ADAMTSL1: variants seen among roughly 807,000 people sequenced by gnomAD.
ADAMTSL1 encodes the protein ADAMTS like 1, also known as ADAMTS-like protein 1.
Under a neutral mutation model 201.8 loss-of-function variants are expected in ADAMTSL1, and 126 were observed. That is an observed-to-expected ratio of 0.62 (90% CI 0.54 to 0.72). The LOEUF is 0.72. Among genes scored for constraint, ADAMTSL1 ranks in the 30% least tolerant of loss-of-function variants. The pLI is 0.00. For missense variants in ADAMTSL1, 2,679 were observed against 2,277.8 expected, an observed-to-expected ratio of 1.18 and a Z score of -3.59; for synonymous variants, 1,121 against 903.4, an observed-to-expected ratio of 1.24 and a Z score of -4.32.
intron 5 of ADAMTSL1, among the ~76,000 whole-genome samples, chr9:18,626,740 C>G (rs370286806): frequency 3.3e-5 from 5 of 152,178 alleles, no homozygotes; most frequent in Admixed American, 1.3e-4. Context: ...ATGGCTTGGA[C>G]TGTACCAGTA....
At chr9:18,568,367 C>T (rs571083283) in intron 3 of ADAMTSL1, among the ~76,000 whole-genome samples, 3 of 152,216 alleles carry the variant, frequency 2.0e-5, no homozygotes, top group South Asian at 2.1e-4. Context: ...CTAAAAGATT[C>T]GAAAGCTTTA....
chr9:18,683,597 G>T (rs542723579), intron 12 of ADAMTSL1, among the ~76,000 whole-genome samples: 1 of 152,168 alleles, frequency 6.6e-6, no homozygotes, highest in East Asian at 1.9e-4. Context: ...GTGTTGCTGT[G>T]TTTAAAATGT....
chr9:18,870,135 G>A (rs895791157), intron 23 of ADAMTSL1, among the ~76,000 whole-genome samples: 3 of 152,110 alleles, frequency 2.0e-5, no homozygotes, highest in Non-Finnish European at 4.4e-5. Flanking sequence ...TATTATGAGT[G>A]TATTTTCATG....
chr9:18,149,841 G>C (rs1179612547), intron 1 of ADAMTSL1, among the ~76,000 whole-genome samples: 1 of 152,054 alleles, frequency 6.6e-6, no homozygotes, highest in African/African-American at 2.4e-5. Context: ...GAGCAGTCAA[G>C]TAGAAAAGAT....
At chr9:18,437,174 C>G (rs1213844330) in intron 2 of ADAMTSL1, among the ~76,000 whole-genome samples, 1 of 152,056 alleles carries the variant, frequency 6.6e-6, no homozygotes. Flanking sequence ...CACTCCAACC[C>G]TCTTGCAAAT....
At chr9:18,264,956 G>A (rs1832064121) in intron 2 of ADAMTSL1, among the ~76,000 whole-genome samples, 1 of 152,106 alleles carries the variant, frequency 6.6e-6, no homozygotes, top group South Asian at 2.1e-4. Flanking sequence ...TTTAATAATA[G>A]TAAATTGTCT....
At chr9:18,197,344 T>C (rs1315896526) in intron 2 of ADAMTSL1, among the ~76,000 whole-genome samples, 1 of 151,538 alleles carries the variant, frequency 6.6e-6, no homozygotes, top group Non-Finnish European at 1.5e-5. Flanking sequence ...TTGTATCCTC[T>C]TTTATTTCCT....
At chr9:18,165,376 G>T (rs1827586893) in intron 2 of ADAMTSL1, among the ~76,000 whole-genome samples, 1 of 151,912 alleles carries the variant, frequency 6.6e-6, no homozygotes, top group South Asian at 2.1e-4. Flanking sequence ...ACTAATTAGG[G>T]ACATAATGGA....
chr9:18,474,415 A>T (rs533986798), intron 1 of ADAMTSL1, 120 bp downstream of exon 1: 1 of 996,314 alleles, frequency 1.0e-6, no homozygotes, highest in African/African-American at 1.6e-5. Context: ...ACTCCAGGTA[A>T]AATAATTTAC....
chr9:17,993,120 G>C lies in ADAMTSL1; in HGVS notation c.87+86198G>C, dbSNP rs139111457. Among the ~76,000 whole-genome samples the C allele has an allele frequency of 4.5e-3, 692 of 152,232 alleles. 4 individuals carry two copies. Among genetic ancestry groups the C allele is most frequent in the Middle Eastern group, 0.017 (5 of 294 alleles). On this transcript the variant is annotated intron_variant, in intron 1 of 29. Transcript: ENST00000680146. Reference sequence around the variant, plus strand: ...TGCTAGTATGGGATTTACCTCTCTAGAGGTTTACAAAGCAGCTCCTTATGG... The same window carrying C: ...TGCTAGTATGGGATTTACCTCTCTACAGGTTTACAAAGCAGCTCCTTATGG...
At chr9:18,071,891 G>T (rs1471717115) in intron 1 of ADAMTSL1, among the ~76,000 whole-genome samples, 1 of 152,206 alleles carries the variant, frequency 6.6e-6, no homozygotes, top group East Asian at 1.9e-4. Flanking sequence ...CGCACTTCCT[G>T]TGTGTCCCTT....
intron 1 of ADAMTSL1, among the ~76,000 whole-genome samples, chr9:18,501,869 ATATGTG>A (rs984105655): frequency 3.9e-5 from 6 of 152,220 alleles, no homozygotes; most frequent in African/African-American, 1.2e-4. Context: ...TGGGCACTTA[ATATGTG>A]TAGTTGTGCT....
intron 1 of ADAMTSL1, among the ~76,000 whole-genome samples, chr9:18,486,444 C>A (rs1429777764): frequency 6.6e-6 from 1 of 152,170 alleles, no homozygotes; most frequent in Non-Finnish European, 1.5e-5. Context: ...TGGCCCACAC[C>A]TGTAGTCTCA....
intron 1 of ADAMTSL1, among the ~76,000 whole-genome samples, chr9:17,942,810 T>C (rs753653087): frequency 2.0e-5 from 3 of 152,176 alleles, no homozygotes; most frequent in Non-Finnish European, 4.4e-5. Context: ...GTAGTCTCAA[T>C]AAATATAGGA....
chr9:18,818,602 G>A (rs1397816407), intron 21 of ADAMTSL1, among the ~76,000 whole-genome samples: 1 of 152,048 alleles, frequency 6.6e-6, no homozygotes, highest in Non-Finnish European at 1.5e-5. Flanking sequence ...GACCAGCCTA[G>A]GCAACATGGC....
At chr9:17,929,689 G>T (rs1442529709) in intron 1 of ADAMTSL1, among the ~76,000 whole-genome samples, 2 of 152,070 alleles carry the variant, frequency 1.3e-5, no homozygotes, top group East Asian at 3.9e-4. Flanking sequence ...CCTTTATTTT[G>T]AATTAATTAC....
At chr9:18,180,138 G>A (rs571952689) in intron 2 of ADAMTSL1, among the ~76,000 whole-genome samples, 4 of 152,178 alleles carry the variant, frequency 2.6e-5, no homozygotes, top group South Asian at 2.1e-4. Flanking sequence ...CCCATCTCAC[G>A]TGCAGAGACA....
intron 2 of ADAMTSL1, among the ~76,000 whole-genome samples, chr9:18,254,883 T>C (rs1221185825): frequency 6.6e-6 from 1 of 152,166 alleles, no homozygotes; most frequent in East Asian, 1.9e-4. Context: ...ATTTATGACA[T>C]TATCTAGAGC....
intron 1 of ADAMTSL1, among the ~76,000 whole-genome samples, chr9:17,925,036 T>C: frequency 7.7e-5 from 8 of 103,282 alleles, no homozygotes; most frequent in Non-Finnish European, 1.6e-4. Context: ...CATCAAAAAG[T>C]GGGCGAAGGA....
Sources: gnomAD v4.1 joint callset for allele counts (sites outside exome capture counted in the v4.1 genomes callset) on GRCh38, gnomAD v4.1.1 for gene constraint, MANE v1.5 for transcripts, NCBI Gene and HGNC (gene_info 2026-07-23, HGNC 2026-07-21) for gene names.